CAST: variants seen among roughly 807,000 people sequenced by gnomAD.
CAST encodes MIR583 host.
Under a neutral mutation model 119.6 loss-of-function variants are expected in CAST, and 76 were observed. The ratio of observed to expected loss-of-function variants is 0.64; its 90% confidence interval spans 0.53 to 0.77. The LOEUF (loss-of-function observed/expected upper bound fraction) is 0.77, where lower values mean the gene tolerates loss of function less well. CAST is among the 30% of genes least tolerant of loss of function. The pLI, the probability that CAST is intolerant of heterozygous loss-of-function variation, is 0.00. For synonymous variants in CAST, 319 were observed against 331.6 expected (o/e 0.96, Z 0.41); for missense variants, 953 against 946.5 (o/e 1.01, Z -0.09).
At chr5:96,425,915 G>T in the CAST span, 1 of 1,607,660 alleles carries the variant, frequency 6.2e-7, no homozygotes, top group Non-Finnish European at 8.5e-7. Context: ...TCATACTGTT[G>T]TTCAGCCCAT....
At chr5:96,047,740 G>T in the CAST span, among the ~76,000 whole-genome samples, 1 of 152,178 alleles carries the variant, frequency 6.6e-6, no homozygotes. Context: ...TCATAGTGCT[G>T]CAAGCTAATA....
the CAST span, among the ~76,000 whole-genome samples, chr5:95,970,029 A>G: frequency 1.3e-5 from 2 of 152,206 alleles, no homozygotes; most frequent in Non-Finnish European, 2.9e-5. Flanking sequence ...TAACACAGGT[A>G]TCTTATGCTT....
intron 1 of CAST, among the ~76,000 whole-genome samples, chr5:96,541,503 T>C (rs2117145): frequency 0.62 from 93,297 of 151,452 alleles, 28,989 homozygotes; most frequent in East Asian, 0.86. Context: ...TGAAGGTTTG[T>C]TCTTTATGTT....
chr5:96,534,532 A>G (rs1287409121), intron 1 of CAST, among the ~76,000 whole-genome samples: 1 of 151,246 alleles, frequency 6.6e-6, no homozygotes, highest in Non-Finnish European at 1.5e-5. Flanking sequence ...AGCCAGGTGT[A>G]GTGGTGCGTG....
chr5:96,437,158 A>G, the CAST span, among the ~76,000 whole-genome samples: 3 of 152,234 alleles, frequency 2.0e-5, no homozygotes, highest in Admixed American at 6.5e-5. Context: ...GTAAAAGAGT[A>G]AAAAAGCAAA....
the CAST span, among the ~76,000 whole-genome samples, chr5:96,140,067 T>C: frequency 6.6e-6 from 1 of 152,206 alleles, no homozygotes; most frequent in African/African-American, 2.4e-5. Context: ...TGTGGAGAAG[T>C]TGATGATGGC....
chr5:96,465,675 G>C, the CAST span, among the ~76,000 whole-genome samples: 1 of 152,066 alleles, frequency 6.6e-6, no homozygotes, highest in African/African-American at 2.4e-5. Context: ...TTTGACCACT[G>C]AGCAGAATGT....
the CAST span, among the ~76,000 whole-genome samples, chr5:95,990,725 TA>T: frequency 6.6e-6 from 1 of 152,108 alleles, no homozygotes; most frequent in African/African-American, 2.4e-5. Context: ...TAGTATCATT[TA>T]AAAAATTAAT....
In CAST at chr5:96,733,831, C is replaced by T. The variant is rs145684408; in HGVS notation, c.631-2341C>T. 5.7e-4 allele frequency among the ~76,000 whole-genome samples: 86 copies of T among 152,164 alleles called. 4 individuals are homozygous for T. In the East Asian group the frequency reaches 0.015, roughly 27 times the overall value. On this transcript the variant is annotated intron_variant, in intron 9 of 31. Coordinates refer to ENST00000675179, the MANE Select transcript of CAST (RefSeq NM_001750.7). ...GGCAGAGGTTGCGGTGAGCCAAGAT[C>T]GCACCGTTGCACTCCAGCCTGGGCA...
the CAST span, among the ~76,000 whole-genome samples, chr5:96,367,520 A>G: frequency 6.6e-6 from 1 of 151,252 alleles, no homozygotes; most frequent in Non-Finnish European, 1.5e-5. Context: ...AGCCTCAGCA[A>G]TGGTAGGCGC....
intron 1 of CAST, among the ~76,000 whole-genome samples, chr5:96,578,603 C>A (rs1746717289): frequency 6.6e-6 from 1 of 151,896 alleles, no homozygotes; most frequent in Non-Finnish European, 1.5e-5. Context: ...TCTACTTTTT[C>A]ATTTGTTTGA....
intron 3 of CAST, among the ~76,000 whole-genome samples, chr5:96,702,296 C>A (rs1288763446): frequency 1.3e-5 from 2 of 152,066 alleles, no homozygotes; most frequent in Non-Finnish European, 2.9e-5. Context: ...TTATTTACAG[C>A]AGTATAGACT....
chr5:96,151,802 C>T, the CAST span, among the ~76,000 whole-genome samples: 1 of 152,222 alleles, frequency 6.6e-6, no homozygotes. Flanking sequence ...TAAATGCCTC[C>T]TTCACTGAAA....
chr5:95,982,401 G>T, the CAST span, among the ~76,000 whole-genome samples: 2 of 151,890 alleles, frequency 1.3e-5, no homozygotes, highest in South Asian at 4.2e-4. Flanking sequence ...ATATAGAACT[G>T]TTCTATCACC....
the CAST span, chr5:96,397,544 A>G: frequency 7.3e-7 from 1 of 1,372,156 alleles, no homozygotes; most frequent in South Asian, 1.2e-5. Context: ...CTGATAACTG[A>G]AAATAAAAGC....
chr5:96,717,219 C>T (rs1339364931), intron 3 of CAST, among the ~76,000 whole-genome samples: 1 of 152,184 alleles, frequency 6.6e-6, no homozygotes, highest in African/African-American at 2.4e-5. Context: ...GAAAGGAACT[C>T]AGTAACCCTC....
At chr5:96,554,856 C>A (rs1033230240) in intron 1 of CAST, among the ~76,000 whole-genome samples, 1 of 152,132 alleles carries the variant, frequency 6.6e-6, no homozygotes, top group East Asian at 1.9e-4. Flanking sequence ...CAATGAGATA[C>A]CATCTCACAG....
intron 1 of CAST, among the ~76,000 whole-genome samples, chr5:96,619,573 C>T (rs1747550094): frequency 6.6e-6 from 1 of 152,206 alleles, no homozygotes; most frequent in Non-Finnish European, 1.5e-5. Context: ...ATAAATCTTG[C>T]TGTTCCTCAC....
At chr5:96,613,300 A>G (rs969498266) in intron 1 of CAST, among the ~76,000 whole-genome samples, 2 of 152,200 alleles carry the variant, frequency 1.3e-5, no homozygotes, top group Admixed American at 1.3e-4. Context: ...TTTTCTTCTT[A>G]TCCTTGAACA....
Sources: gnomAD v4.1 joint callset for allele counts (sites outside exome capture counted in the v4.1 genomes callset) on GRCh38, gnomAD v4.1.1 for gene constraint, MANE v1.5 for transcripts, NCBI Gene and HGNC (gene_info 2026-07-23, HGNC 2026-07-21) for gene names.